Variants in L3MBTL3 observed in about 807,000 individuals in gnomAD.
L3MBTL3 encodes the protein L3MBTL histone methyl-lysine binding protein 3.
In L3MBTL3, 27 loss-of-function variants were observed where a neutral mutation model predicts 102.3. The ratio of observed to expected loss-of-function variants is 0.26; its 90% CI spans 0.19 to 0.36. The LOEUF is 0.36. Among genes scored for constraint, L3MBTL3 ranks in the 10% least tolerant of loss-of-function variants. L3MBTL3 has a pLI of 1.00. For missense variants in L3MBTL3, 798 were observed against 955.3 expected, an observed-to-expected ratio of 0.84 and a Z score of 2.17; for synonymous variants, 340 against 320.9, an observed-to-expected ratio of 1.06 and a Z score of -0.64.
intron 19 of L3MBTL3, among the ~76,000 whole-genome samples, chr6:130,106,047 G>A (rs1784962568): frequency 6.6e-6 from 1 of 152,056 alleles, no homozygotes; most frequent in South Asian, 2.1e-4. Flanking sequence ...TTGTGATCAA[G>A]GAAACAATCT....
chr6:130,067,469 A>G (rs1782339923), intron 11 of L3MBTL3, among the ~76,000 whole-genome samples: 1 of 152,158 alleles, frequency 6.6e-6, no homozygotes, highest in Non-Finnish European at 1.5e-5. Context: ...ATTTTTGTTT[A>G]TGTCAAAAAT....
chr6:130,087,416 G>A (rs890570359), intron 16 of L3MBTL3, among the ~76,000 whole-genome samples: 1 of 151,956 alleles, frequency 6.6e-6, no homozygotes, highest in East Asian at 1.9e-4. Flanking sequence ...ATCTAGACAA[G>A]TAATCAAATA....
chr6:130,060,799 A>T (rs1781842203), intron 10 of L3MBTL3, among the ~76,000 whole-genome samples: 1 of 152,066 alleles, frequency 6.6e-6, no homozygotes, highest in Non-Finnish European at 1.5e-5. Context: ...AGAGTACTTT[A>T]AAAAATGTGT....
chr6:130,071,374 C>G (rs1584372059), intron 13 of L3MBTL3, among the ~76,000 whole-genome samples: 2 of 152,270 alleles, frequency 1.3e-5, no homozygotes, highest in African/African-American at 4.8e-5. Context: ...GCACACTCCA[C>G]ATTCCCAACA....
At chr6:130,049,021 C>A (rs1780913105) in intron 3 of L3MBTL3, among the ~76,000 whole-genome samples, 1 of 151,570 alleles carries the variant, frequency 6.6e-6, no homozygotes, top group Non-Finnish European at 1.5e-5. Context: ...AAGCTGCCAG[C>A]TCTATAGGAC....
intron 18 of L3MBTL3, among the ~76,000 whole-genome samples, chr6:130,099,397 G>A (rs928444631): frequency 6.6e-5 from 10 of 152,168 alleles, no homozygotes; most frequent in African/African-American, 2.4e-4. Context: ...TGAGAAATTA[G>A]AAGTCTATAA....
intron 13 of L3MBTL3, among the ~76,000 whole-genome samples, chr6:130,071,944 G>A (rs138681292): frequency 6.6e-6 from 1 of 152,150 alleles, no homozygotes; most frequent in East Asian, 1.9e-4. Context: ...AAAAAGAAGA[G>A]ATGTTGAAAT....
intron 18 of L3MBTL3, among the ~76,000 whole-genome samples, chr6:130,098,488 C>T (rs778969135): frequency 1.2e-4 from 19 of 152,248 alleles, no homozygotes; most frequent in Admixed American, 7.8e-4. Flanking sequence ...AGGTATGTTA[C>T]GGAGTTTTTA....
intron 22 of L3MBTL3, among the ~76,000 whole-genome samples, chr6:130,136,135 T>C (rs1344409443): frequency 6.6e-6 from 1 of 152,184 alleles, no homozygotes; most frequent in Non-Finnish European, 1.5e-5. Context: ...CCCACTTGGA[T>C]TAGTGCAGTA....
intron 10 of L3MBTL3, among the ~76,000 whole-genome samples, chr6:130,064,334 G>C (rs115943004): frequency 1.3e-5 from 2 of 152,150 alleles, no homozygotes; most frequent in Non-Finnish European, 2.9e-5. Flanking sequence ...AGAGGCATCT[G>C]GGGGTAACTG....
chr6:130,051,851 A>G (rs1420663453), intron 6 of L3MBTL3, among the ~76,000 whole-genome samples: 4 of 152,216 alleles, frequency 2.6e-5, no homozygotes, highest in Admixed American at 1.3e-4. Context: ...GGAAATGGCC[A>G]TAGGGAAGAG....
chr6:130,040,518 A>T (rs1294064487), intron 2 of L3MBTL3, among the ~76,000 whole-genome samples: 1 of 151,888 alleles, frequency 6.6e-6, no homozygotes, highest in Non-Finnish European at 1.5e-5. Context: ...TACTATCACC[A>T]CCCATCCACT....
intron 19 of L3MBTL3, among the ~76,000 whole-genome samples, chr6:130,106,271 A>T (rs886120492): frequency 2.0e-5 from 3 of 152,152 alleles, no homozygotes; most frequent in African/African-American, 7.2e-5. Flanking sequence ...TTTTGAGTCA[A>T]TGAGGTCTGA....
Position 130,092,811 on chromosome 6 carries a change from C to A in L3MBTL3, c.1585C>A (p.Pro529Thr). ...WIDADSPDIHPVGWCSKTGHP... is the reference protein window; with the variant it reads ...WIDADSPDIHTVGWCSKTGHP... ...AGATGCAGATTCTCCTGATATTCAC[C>A]CTGTAGGCTGGTGTTCAAAAACAGG... The change falls in exon 17 of 23, where the codon CCT (proline) becomes ACT (threonine). Residue 529 changes from proline (P) to threonine (T), a missense_variant. This residue lies in a region of L3MBTL3 where 306 missense variants were observed against 314.4 expected (regional missense o/e 0.97). Coordinates refer to ENST00000361794, the MANE Select transcript of L3MBTL3 (RefSeq NM_032438.4). 2.5e-6 allele frequency: 4 copies of A among 1,613,142 alleles called. No individual in the cohort carries two copies. Among genetic ancestry groups the A allele is most frequent in the Non-Finnish European group, 2.5e-6 (3 of 1,179,310 alleles).
chr6:130,112,662 G>A (rs1011984976), intron 19 of L3MBTL3, among the ~76,000 whole-genome samples: 8 of 152,126 alleles, frequency 5.3e-5, no homozygotes, highest in Non-Finnish European at 7.3e-5. Context: ...CAGAACATTT[G>A]TACCCTAGGA....
At chr6:130,056,340 G>A (rs1026817451) in intron 8 of L3MBTL3, among the ~76,000 whole-genome samples, 6 of 151,950 alleles carry the variant, frequency 3.9e-5, no homozygotes, top group Admixed American at 3.9e-4. Context: ...TGCTTATTCT[G>A]TGTGGACCTT....
intron 16 of L3MBTL3, among the ~76,000 whole-genome samples, chr6:130,088,340 A>G (rs953555148): frequency 1.3e-5 from 2 of 152,220 alleles, no homozygotes; most frequent in Non-Finnish European, 2.9e-5. Flanking sequence ...TTCTGAGAAT[A>G]TAAAAAGCCT....
At chr6:130,036,397 TC>T (rs1186441962) in intron 2 of L3MBTL3, among the ~76,000 whole-genome samples, 2 of 152,230 alleles carry the variant, frequency 1.3e-5, no homozygotes, top group East Asian at 3.8e-4. Flanking sequence ...AATATTGTAT[TC>T]AGAATCTCTG....
At chr6:130,087,520 CAT>C (rs1485399384) in intron 16 of L3MBTL3, among the ~76,000 whole-genome samples, 1 of 152,124 alleles carries the variant, frequency 6.6e-6, no homozygotes, top group African/African-American at 2.4e-5. Flanking sequence ...TTAATTATCA[CAT>C]ATGGCTGGTG....
Sources: allele counts gnomAD v4.1 joint callset (sites outside exome capture counted in the v4.1 genomes callset), GRCh38; gene constraint gnomAD v4.1.1; regional missense constraint gnomAD v4.1.1; transcripts MANE v1.5; gene names NCBI Gene and HGNC (gene_info 2026-07-23, HGNC 2026-07-21).